The following MTMR4 variants were observed in gnomAD, a reference collection of about 807,000 sequenced individuals.
MTMR4 encodes the protein myotubularin related protein 4.
MTMR4 carries 30 observed loss-of-function variants against 125.5 expected under a neutral mutation model. The ratio of observed to expected loss-of-function variants is 0.24; its 90% CI spans 0.18 to 0.32. The LOEUF is 0.32. Ranked by LOEUF, MTMR4 falls within the 10% of genes least tolerant of loss-of-function variation. The pLI, the probability that MTMR4 is intolerant of heterozygous loss-of-function variation, is 1.00. For missense variants in MTMR4, 1,039 were observed against 1,511.5 expected (o/e 0.69, Z 5.18); for synonymous variants, 498 against 564.5 (o/e 0.88, Z 1.67).
intron 14 of MTMR4, among the ~76,000 whole-genome samples, chr17:58,502,519 T>TAA (rs5821237): frequency 0.018 from 2,607 of 144,594 alleles, 33 homozygotes; most frequent in Non-Finnish European, 0.026. Context: ...CCTGTAATGA[T>TAA]AAAAAAAAAA....
chr17:58,510,334 C>T (rs777366710), intron 4 of MTMR4, among the ~76,000 whole-genome samples: 2 of 152,168 alleles, frequency 1.3e-5, no homozygotes, highest in African/African-American at 2.4e-5. Context: ...TGCCAGTCTC[C>T]CAATATGCAG....
rs1283086327 is a variant in MTMR4 at position 58,496,025 on chromosome 17, T to C, written c.2159A>G (p.Asn720Ser). 6.2e-7 allele frequency: 1 copy of C among 1,614,038 alleles called. No homozygotes were observed. The highest frequency in any genetic ancestry group is 1.3e-5 in the African/African-American group (1 of 74,936). Reference sequence around the variant, plus strand: ...CTTCATTTCCCGAGGCACTGCGGTATTAAGCAGTTTGTAACTTGGAGAACA... The same window carrying C: ...CTTCATTTCCCGAGGCACTGCGGTACTAAGCAGTTTGTAACTTGGAGAACA... ...KSCSPSYKLL[N>S]TAVPREMKSN... The change falls in exon 15 of 18, where the codon AAT (asparagine) becomes AGT (serine). Residue 720 changes from asparagine to serine, a missense_variant. Transcript: ENST00000682306.
chr17:58,494,024 A>G (rs1319947054), intron 15 of MTMR4, among the ~76,000 whole-genome samples: 2 of 152,168 alleles, frequency 1.3e-5, no homozygotes, highest in Non-Finnish European at 2.9e-5. Context: ...TTAAAATTGT[A>G]CACTGTTGGG....
chr17:58,504,043 G>A lies in MTMR4; in HGVS notation c.1698+7C>T. ...ATAGCACCTACAGGAAAAGGGCTCAGACTCACCATGTCTGAGCTGGGTGTG... is the reference window on the plus strand; with the variant it reads ...ATAGCACCTACAGGAAAAGGGCTCAAACTCACCATGTCTGAGCTGGGTGTG... On this transcript the variant is annotated splice_region_variant and intron_variant, in intron 13 of 17. Transcript: ENST00000682306. This position sits in a 1 kb window ranked among gnomAD's most constrained non-coding sequence, Gnocchi z 7.1. 6.5e-7 allele frequency: 1 copy of A among 1,545,676 alleles called. No homozygotes were observed. The highest frequency in any genetic ancestry group is 8.7e-7 in the Non-Finnish European group (1 of 1,147,878).
At chr17:58,492,201 C>A (rs1419696988) in intron 17 of MTMR4, among the ~76,000 whole-genome samples, 1 of 152,178 alleles carries the variant, frequency 6.6e-6, no homozygotes, top group Non-Finnish European at 1.5e-5. Flanking sequence ...GAGACAGAGT[C>A]TTGCTCTGTT....
At chr17:58,492,418 C>T in intron 17 of MTMR4, 93 bp downstream of exon 17, 3 of 1,087,818 alleles carry the variant, frequency 2.8e-6, no homozygotes, top group South Asian at 2.7e-5. Context: ...ATCCGCCTGC[C>T]TCGGCCTCCC....
chr17:58,496,516 T>TA (rs1374430339), intron 14 of MTMR4, among the ~76,000 whole-genome samples, 186 bp from the exon 15 acceptor site: 5 of 152,122 alleles, frequency 3.3e-5, no homozygotes, highest in South Asian at 2.1e-4. Context: ...GTTTACTCTG[T>TA]AAAAAAAGCA....
chr17:58,503,814 C>G lies in MTMR4; in HGVS notation c.1783G>C (p.Glu595Gln). The change falls in exon 14 of 18, where the codon GAA becomes CAA. Residue 595 changes from glutamate to glutamine, a missense_variant. Physicochemically the swap from Glu to Gln is conservative, Grantham distance 29. This residue lies in a region of MTMR4 where 619 missense variants were observed against 714.5 expected (regional missense o/e 0.87). Transcript: ENST00000682306. ...GAAAGGTAAAGATCCATGTTTTCTT[C>G]CCCAAGTGTGCATGGAGATGATGCT... ...LPASSPCTLGEENMDLYLSPV... is the reference protein window; with the variant it reads ...LPASSPCTLGQENMDLYLSPV... 6.2e-7 allele frequency: 1 copy of G among 1,614,156 alleles called. No individual in the cohort carries two copies. The highest frequency in any genetic ancestry group is 1.3e-5 in the African/African-American group (1 of 75,026).
chr17:58,505,029 C>G, intron 10 of MTMR4, 55 bp from the exon 11 acceptor site: 2 of 1,511,126 alleles, frequency 1.3e-6, no homozygotes, highest in Non-Finnish European at 1.8e-6. Flanking sequence ...CCACAGCAGT[C>G]TCTCCACCAT....
At chr17:58,511,574 C>T in intron 3 of MTMR4, 63 bp from the exon 4 acceptor site, 1 of 1,360,062 alleles carries the variant, frequency 7.4e-7, no homozygotes, top group Non-Finnish European at 1.0e-6. Flanking sequence ...CACCCTCACC[C>T]TAGCGTAGGC....
At chr17:58,499,628 T>C (rs1975566330) in intron 14 of MTMR4, among the ~76,000 whole-genome samples, 1 of 140,788 alleles carries the variant, frequency 7.1e-6, no homozygotes, top group South Asian at 2.2e-4. Context: ...ATTTGTCCAG[T>C]TTTTTTTTTT....
chr17:58,513,022 T>C, intron 1 of MTMR4, 81 bp from the exon 2 acceptor site: 1 of 959,772 alleles, frequency 1.0e-6, no homozygotes, highest in Non-Finnish European at 1.7e-6. Flanking sequence ...CACCAAGAAA[T>C]CCACAGATAC....
In MTMR4 at chr17:58,508,387, T is replaced by G; in HGVS notation, c.593+81A>C. The G allele has an allele frequency of 6.4e-7, 1 of 1,561,936 alleles. No individual in the cohort carries two copies. The highest frequency in any genetic ancestry group is 8.8e-7 in the Non-Finnish European group (1 of 1,132,768). ...CCATGAGCCTTCCTCCCTCTCAGAC[T>G]CAGAAGCTGTGCCCACCACACTTTA... On this transcript the variant is annotated intron_variant, in intron 6 of 17. Coordinates refer to ENST00000682306, the MANE Select transcript of MTMR4 (RefSeq NM_001378067.1). The surrounding 1 kb of genome is among the most constrained non-coding windows in gnomAD (Gnocchi z 4.8).
intron 14 of MTMR4, among the ~76,000 whole-genome samples, chr17:58,498,652 C>G (rs375467533): frequency 1.8e-4 from 28 of 151,624 alleles, no homozygotes; most frequent in East Asian, 1.6e-3. Flanking sequence ...GTTACAGAGA[C>G]CATTTCCTTT....
rs1253112559 is a variant in MTMR4 at position 58,508,850 on chromosome 17, C to G, written c.336-9G>C. 6.2e-7 allele frequency: 1 copy of G among 1,610,490 alleles called. No individual in the cohort carries two copies. The highest frequency in any genetic ancestry group is 8.5e-7 in the Non-Finnish European group (1 of 1,177,148). On this transcript the variant is annotated splice_polypyrimidine_tract_variant and intron_variant, in intron 4 of 17. Transcript: ENST00000682306. This position sits in a 1 kb window ranked among gnomAD's most constrained non-coding sequence, Gnocchi z 4.8. ...AAGTGGAGAAGTGGCACCTGCCAGG[C>G]AAGAAGCCACAGGCCTAGGTGAGGC...
chr17:58,513,428 G>C (rs983630169), intron 1 of MTMR4, among the ~76,000 whole-genome samples: 1 of 152,104 alleles, frequency 6.6e-6, no homozygotes, highest in Non-Finnish European at 1.5e-5. Context: ...GAGTGGGTGG[G>C]GGGATTCAGT....
chr17:58,512,467 G>C lies in MTMR4; in HGVS notation c.175C>G (p.Leu59Val). The change falls in exon 3 of 18, where the codon CTG (leucine) becomes GTG (valine). Residue 59 changes from leucine (L) to valine (V), a missense_variant. This residue lies in a region of MTMR4 where 202 missense variants were observed against 311.9 expected (regional missense o/e 0.65). Coordinates refer to ENST00000682306, the MANE Select transcript of MTMR4 (RefSeq NM_001378067.1). This position sits in a 1 kb window ranked among gnomAD's most constrained non-coding sequence, Gnocchi z 4.1. The part of the protein sequence containing the change: ...TVLQGEGVEF[L>V]GRAADALIAI... ...ATGAGGGCATCGGCTGCCCGGCCCAGGAACTCTACTCCCTCACCCTGCAGC... is the reference window on the plus strand; with the variant it reads ...ATGAGGGCATCGGCTGCCCGGCCCACGAACTCTACTCCCTCACCCTGCAGC... The C allele has an allele frequency of 6.2e-7, 1 of 1,614,152 alleles. No homozygotes were observed. Among genetic ancestry groups the C allele is most frequent in the Non-Finnish European group, 8.5e-7 (1 of 1,180,006 alleles).
intron 14 of MTMR4, among the ~76,000 whole-genome samples, chr17:58,500,434 C>T (rs557525957): frequency 6.6e-6 from 1 of 151,928 alleles, no homozygotes; most frequent in South Asian, 2.1e-4. Context: ...GCCTGAACTA[C>T]ACACATTCTT....
rs1975954098 is a variant in MTMR4 at position 58,512,323 on chromosome 17, G to A, written c.252+67C>T. 3 of 1,360,720 alleles carry A rather than the reference G, an allele frequency of 2.2e-6. No homozygotes were observed. Among genetic ancestry groups the A allele is most frequent in the Non-Finnish European group, 3.2e-6 (3 of 951,360 alleles). The allele number at this position is 1,360,720 out of a possible 1,614,324, so 84.3% of individuals were successfully genotyped here. ...AATGACATGATCAAGGACAGCCTTGGAACAATCCCACCTTGAACTTCATAG... is the reference window on the plus strand; with the variant it reads ...AATGACATGATCAAGGACAGCCTTGAAACAATCCCACCTTGAACTTCATAG... On this transcript the variant is annotated intron_variant, in intron 3 of 17. Transcript: ENST00000682306. This position sits in a 1 kb window ranked among gnomAD's most constrained non-coding sequence, Gnocchi z 4.1.
Sources: gnomAD v4.1 joint callset for allele counts (sites outside exome capture counted in the v4.1 genomes callset) on GRCh38, gnomAD v4.1.1 for gene constraint, gnomAD v4.1.1 regional missense constraint, Gnocchi (gnomAD v3.1) non-coding constraint, MANE v1.5 for transcripts, NCBI Gene and HGNC (gene_info 2026-07-23, HGNC 2026-07-21) for gene names.